Variants in C1QTNF3 observed in about 807,000 individuals in gnomAD.
C1QTNF3 encodes the protein C1q and TNF related 3.
C1QTNF3 carries 26 observed loss-of-function variants against 32.6 expected under a neutral mutation model. The ratio of observed to expected loss-of-function variants is 0.80; its 90% CI spans 0.58 to 1.11. C1QTNF3 has a LOEUF of 1.11. Among genes scored for constraint, C1QTNF3 ranks in the 50% least tolerant of loss-of-function variants. The pLI is 0.00. For missense variants in C1QTNF3, 362 were observed against 398.2 expected (o/e 0.91, Z 0.77); for synonymous variants, 155 against 146.0 (o/e 1.06, Z -0.44).
chr5:34,122,607 G>A, the C1QTNF3 span, among the ~76,000 whole-genome samples: 1 of 152,162 alleles, frequency 6.6e-6, no homozygotes, highest in Non-Finnish European at 1.5e-5. Flanking sequence ...AAAATTGATT[G>A]TAACCAAAAG....
chr5:34,144,266 A>G, the C1QTNF3 span, among the ~76,000 whole-genome samples: 1 of 152,240 alleles, frequency 6.6e-6, no homozygotes, highest in Non-Finnish European at 1.5e-5. Context: ...CCAGATTGAG[A>G]AAACAAGTTC....
chr5:34,026,905 A>G (rs1754475612), intron 4 of C1QTNF3, among the ~76,000 whole-genome samples: 1 of 152,262 alleles, frequency 6.6e-6, no homozygotes, highest in Admixed American at 6.5e-5. Context: ...ATAAAAGAAC[A>G]TTATAGAACA....
chr5:34,051,231 T>C, the C1QTNF3 span, among the ~76,000 whole-genome samples: 23 of 152,332 alleles, frequency 1.5e-4, no homozygotes, highest in African/African-American at 5.0e-4. Context: ...ATGGCATTTG[T>C]GAGCCACCAA....
At chr5:34,207,965 A>C in the C1QTNF3 span, among the ~76,000 whole-genome samples, 5 of 151,544 alleles carry the variant, frequency 3.3e-5, no homozygotes, top group Non-Finnish European at 7.4e-5. Context: ...TTTTTTTTGT[A>C]TTTTTTAGTA....
chr5:34,217,673 A>G, the C1QTNF3 span, among the ~76,000 whole-genome samples: 4 of 152,170 alleles, frequency 2.6e-5, no homozygotes, highest in Admixed American at 2.0e-4. Context: ...GTGCACAGCT[A>G]AAGTTGGGAT....
chr5:34,043,229 G>A (rs1380363590), upstream of C1QTNF3: 30 of 1,267,326 alleles, frequency 2.4e-5, no homozygotes, highest in Middle Eastern at 2.8e-4. Flanking sequence ...CTGCAGCGGC[G>A]GAGTGGTTTT....
chr5:34,132,606 T>C, the C1QTNF3 span, among the ~76,000 whole-genome samples: 1 of 151,970 alleles, frequency 6.6e-6, no homozygotes, highest in Non-Finnish European at 1.5e-5. Context: ...CCAAAATATA[T>C]CAGCAGTTAC....
chr5:34,229,840 G>A, the C1QTNF3 span, among the ~76,000 whole-genome samples: 2 of 152,186 alleles, frequency 1.3e-5, no homozygotes, highest in Non-Finnish European at 2.9e-5. Flanking sequence ...TGGAGCTTTT[G>A]GGAGGAACCT....
the C1QTNF3 span, among the ~76,000 whole-genome samples, chr5:34,069,558 A>T: frequency 6.6e-6 from 1 of 152,208 alleles, no homozygotes; most frequent in African/African-American, 2.4e-5. Flanking sequence ...TAACTATGAC[A>T]TGACATTTCT....
At chr5:34,164,631 G>A in the C1QTNF3 span, 6 of 151,540 alleles carry the variant, frequency 4.0e-5, no homozygotes, top group African/African-American at 1.5e-4. Flanking sequence ...AATGGCCATG[G>A]GTAAAAAAGC....
At chr5:34,194,989 T>A in the C1QTNF3 span, among the ~76,000 whole-genome samples, 588 of 152,034 alleles carry the variant, frequency 3.9e-3, 1 homozygote, top group African/African-American at 0.014. Context: ...ATATTTCCAA[T>A]CCTTGGTTGG....
At chr5:34,178,428 T>C in the C1QTNF3 span, among the ~76,000 whole-genome samples, 2 of 152,152 alleles carry the variant, frequency 1.3e-5, no homozygotes, top group South Asian at 2.1e-4. Flanking sequence ...AACAGTGCAG[T>C]CCACTGTGGG....
At chr5:34,115,687 C>T in the C1QTNF3 span, among the ~76,000 whole-genome samples, 9 of 150,322 alleles carry the variant, frequency 6.0e-5, no homozygotes, top group Non-Finnish European at 1.0e-4. Flanking sequence ...GCTGAGATGG[C>T]GCCACTGTAC....
chr5:34,058,107 A>G, the C1QTNF3 span, among the ~76,000 whole-genome samples: 1 of 152,208 alleles, frequency 6.6e-6, no homozygotes, highest in Non-Finnish European at 1.5e-5. Context: ...CTGTTGTTAC[A>G]GCACGAAGAA....
At chr5:34,229,518 G>A in the C1QTNF3 span, among the ~76,000 whole-genome samples, 2,129 of 152,202 alleles carry the variant, frequency 0.014, 34 homozygotes, top group South Asian at 0.033. Flanking sequence ...TAATTTATAA[G>A]TTTGTTAGCT....
the C1QTNF3 span, chr5:34,158,531 C>A: frequency 3.9e-5 from 6 of 152,114 alleles, no homozygotes; most frequent in African/African-American, 1.4e-4. Context: ...AATTAAGTTT[C>A]TTGTAAAGTG....
At chr5:34,136,503 G>C in the C1QTNF3 span, among the ~76,000 whole-genome samples, 173 of 152,326 alleles carry the variant, frequency 1.1e-3, 1 homozygote, top group Middle Eastern at 0.01. Flanking sequence ...GGAAACAACA[G>C]ATGCTGGAAA....
chr5:34,076,871 T>C, the C1QTNF3 span, among the ~76,000 whole-genome samples: 1 of 151,516 alleles, frequency 6.6e-6, no homozygotes, highest in African/African-American at 2.4e-5. Flanking sequence ...ACTCTCAGGT[T>C]ACGAGCTAGT....
the C1QTNF3 span, chr5:34,239,454 A>G: frequency 6.6e-6 from 1 of 152,202 alleles, no homozygotes; most frequent in East Asian, 1.9e-4. Context: ...AAAATCTGCC[A>G]TGCAAATGAT....
Sources: gnomAD v4.1 joint callset for allele counts (sites outside exome capture counted in the v4.1 genomes callset) on GRCh38, gnomAD v4.1.1 for gene constraint, MANE v1.5 for transcripts, NCBI Gene and HGNC (gene_info 2026-07-23, HGNC 2026-07-21) for gene names.